LINGO2: variants seen among roughly 807,000 people sequenced by gnomAD.
The protein encoded by LINGO2 is leucine-rich repeat and immunoglobulin-like domain-containing nogo receptor-interacting protein 2.
LINGO2 carries 14 observed loss-of-function variants against 30.6 expected under a neutral mutation model. The ratio of observed to expected loss-of-function variants is 0.46; its 90% CI spans 0.30 to 0.72. The LOEUF is 0.72. Ranked by LOEUF, LINGO2 falls within the 30% of genes least tolerant of loss-of-function variation. The pLI is 0.07. For missense variants in LINGO2, 729 were observed against 751.7 expected, an observed-to-expected ratio of 0.97 and a Z score of 0.35; for synonymous variants, 317 against 288.5, an observed-to-expected ratio of 1.10 and a Z score of -1.00.
chr9:28,307,248 A>G (rs1465229188), intron 3 of LINGO2, among the ~76,000 whole-genome samples: 1 of 152,230 alleles, frequency 6.6e-6, no homozygotes, highest in African/African-American at 2.4e-5. Flanking sequence ...AGTGGGCTTC[A>G]TCCCTGGGAT....
chr9:28,652,200 G>C (rs1046888532), intron 1 of LINGO2, among the ~76,000 whole-genome samples: 2 of 152,002 alleles, frequency 1.3e-5, no homozygotes, highest in Admixed American at 6.6e-5. Flanking sequence ...AAGACATCGT[G>C]TTTAACAATA....
the LINGO2 span, among the ~76,000 whole-genome samples, chr9:28,925,301 C>G: frequency 6.6e-6 from 1 of 152,162 alleles, no homozygotes; most frequent in African/African-American, 2.4e-5. Flanking sequence ...ACCTGGGGAT[C>G]TTGAACCAGA....
chr9:28,098,230 AG>A (rs1246893189), intron 4 of LINGO2, among the ~76,000 whole-genome samples: 1 of 151,996 alleles, frequency 6.6e-6, no homozygotes, highest in Non-Finnish European at 1.5e-5. Flanking sequence ...GCTTGAACGC[AG>A]GAGGCTGAGG....
At chr9:28,589,336 A>G (rs1333626256) in intron 1 of LINGO2, among the ~76,000 whole-genome samples, 1 of 152,134 alleles carries the variant, frequency 6.6e-6, no homozygotes, top group African/African-American at 2.4e-5. Flanking sequence ...AAGGGCATTC[A>G]ATTAGGAAAA....
the LINGO2 span, among the ~76,000 whole-genome samples, chr9:28,749,106 AGTTT>A: frequency 2.6e-5 from 4 of 152,026 alleles, no homozygotes; most frequent in Admixed American, 6.6e-5. Context: ...TCCATTATAT[AGTTT>A]GTTTATTACT....
chr9:29,206,757 CA>C, the LINGO2 span, among the ~76,000 whole-genome samples: 2 of 152,078 alleles, frequency 1.3e-5, no homozygotes, highest in Non-Finnish European at 2.9e-5. Context: ...TTAACAAGAA[CA>C]CAGAATTCTT....
At chr9:29,035,315 C>G in the LINGO2 span, among the ~76,000 whole-genome samples, 1 of 151,956 alleles carries the variant, frequency 6.6e-6, no homozygotes, top group African/African-American at 2.4e-5. Flanking sequence ...AGTAGTGGAA[C>G]AGGTAGCCAT....
chr9:28,051,713 T>TA (rs199911003), intron 4 of LINGO2, among the ~76,000 whole-genome samples: 1,667 of 152,202 alleles, frequency 0.011, 13 homozygotes, highest in Middle Eastern at 0.034. Context: ...CCACAGCACA[T>TA]AGTTTTGTTC....
At chr9:29,021,060 G>T in the LINGO2 span, among the ~76,000 whole-genome samples, 1 of 152,238 alleles carries the variant, frequency 6.6e-6, no homozygotes, top group Middle Eastern at 3.4e-3. Flanking sequence ...CATTGAAGGA[G>T]AAATCAGAAA....
chr9:28,943,213 G>A, the LINGO2 span, among the ~76,000 whole-genome samples: 5 of 152,280 alleles, frequency 3.3e-5, no homozygotes, highest in Admixed American at 2.0e-4. Context: ...AGCATTCTTT[G>A]TAGAATAATT....
At chr9:29,159,312 C>T in the LINGO2 span, among the ~76,000 whole-genome samples, 1 of 152,276 alleles carries the variant, frequency 6.6e-6, no homozygotes, top group East Asian at 1.9e-4. Context: ...ACTAAGCTCA[C>T]CTTCCAAAGT....
rs73445548 is a variant in LINGO2, at chr9:28,648,870, T to C, written c.-365+21330A>G. 8.2e-3 allele frequency among the ~76,000 whole-genome samples: 1,253 copies of C among 152,268 alleles called. 25 individuals carry two copies. Among genetic ancestry groups the C allele is most frequent in the African/African-American group, 0.029 (1,208 of 41,556 alleles). ...AATGTACCTTCTGTTGGCAGTTTCA[T>C]TGATTCAGTGCCTCCCAACTTCCAT... On this transcript the variant is annotated intron_variant, in intron 1 of 5. Coordinates refer to ENST00000379992, the Ensembl canonical transcript of LINGO2.
intron 4 of LINGO2, among the ~76,000 whole-genome samples, chr9:28,227,425 T>G (rs1306899524): frequency 6.6e-6 from 1 of 152,056 alleles, no homozygotes; most frequent in Non-Finnish European, 1.5e-5. Flanking sequence ...CAGCTATAAT[T>G]TATGTCTCAT....
chr9:28,941,907 T>C, the LINGO2 span, among the ~76,000 whole-genome samples: 1 of 152,160 alleles, frequency 6.6e-6, no homozygotes, highest in African/African-American at 2.4e-5. Flanking sequence ...ATAAAGACAG[T>C]AGCATTGTTA....
chr9:28,170,254 T>A (rs899238621), intron 4 of LINGO2, among the ~76,000 whole-genome samples: 2 of 152,316 alleles, frequency 1.3e-5, no homozygotes, highest in South Asian at 4.2e-4. Flanking sequence ...AGACACTACA[T>A]GACATTGTTC....
chr9:28,594,003 A>G (rs1825054274), intron 1 of LINGO2, among the ~76,000 whole-genome samples: 1 of 152,064 alleles, frequency 6.6e-6, no homozygotes, highest in Admixed American at 6.6e-5. Flanking sequence ...CACTATTTAA[A>G]AAAAAAGAAT....
At chr9:29,084,003 T>G in the LINGO2 span, among the ~76,000 whole-genome samples, 1 of 152,082 alleles carries the variant, frequency 6.6e-6, no homozygotes, top group African/African-American at 2.4e-5. Flanking sequence ...TATGGTAATG[T>G]GTTCATTACT....
chr9:28,510,987 T>A (rs774342324), intron 1 of LINGO2, among the ~76,000 whole-genome samples: 1 of 151,856 alleles, frequency 6.6e-6, no homozygotes, highest in Non-Finnish European at 1.5e-5. Flanking sequence ...CTTTTTCTTG[T>A]TTTTTTGCCT....
the LINGO2 span, among the ~76,000 whole-genome samples, chr9:29,204,057 A>C: frequency 8.5e-5 from 13 of 152,230 alleles, no homozygotes; most frequent in East Asian, 2.3e-3. Context: ...TGTTCACAGT[A>C]GGTGCTAGAA....
Sources: gnomAD v4.1 joint callset for allele counts (sites outside exome capture counted in the v4.1 genomes callset) on GRCh38, gnomAD v4.1.1 for gene constraint, MANE v1.5 for transcripts, NCBI Gene and HGNC (gene_info 2026-07-23, HGNC 2026-07-21) for gene names.